ZNF652: variants seen among roughly 807,000 people sequenced by gnomAD.
The protein encoded by ZNF652 is zinc finger protein 652.
In ZNF652, 16 loss-of-function variants were observed where a neutral mutation model predicts 45.2. The observed-to-expected ratio is 0.35, with a 90% CI of 0.24 to 0.54. The LOEUF (loss-of-function observed/expected upper bound fraction) is 0.54. Among genes scored for constraint, ZNF652 ranks in the 20% least tolerant of loss-of-function variants. ZNF652 has a pLI of 0.91. For missense variants in ZNF652, 614 were observed against 765.6 expected (o/e 0.80, Z 2.34); for synonymous variants, 250 against 260.6 (o/e 0.96, Z 0.39).
Position 49,350,997 on chromosome 17 carries a change from A to G in ZNF652, c.-259+10912T>C, listed in dbSNP as rs1235233210. Among the ~76,000 whole-genome samples, 24 of 21,220 alleles carry G rather than the reference A, an allele frequency of 1.1e-3. 2 individuals carry two copies. The highest frequency in any genetic ancestry group is 1.5e-3 in the Non-Finnish European group (15 of 10,336). The allele number at this position is 21,220 out of a possible 152,430, so 13.9% of individuals were successfully genotyped here. A position where few individuals can be genotyped will look rare whatever the true frequency, so the allele number is the denominator to read the frequency against. ...TATATATATATATATATATATATATATATATATATATATATATACACACAC... is the reference window on the plus strand; with the variant it reads ...TATATATATATATATATATATATATGTATATATATATATATATACACACAC... On this transcript the variant is annotated intron_variant, in intron 1 of 5. Transcript: ENST00000430262.
At chr17:49,312,158 GCTT>G in intron 3 of ZNF652, 116 bp from the exon 4 acceptor site, 13 of 309,676 alleles carry the variant, frequency 4.2e-5, no homozygotes, top group South Asian at 2.8e-4. Flanking sequence ...GATTTGTGAG[GCTT>G]TTTTTTTTTT....
At chr17:49,304,906 A>G (rs2906095) in intron 5 of ZNF652, among the ~76,000 whole-genome samples, 79,855 of 151,234 alleles carry the variant, frequency 0.53, 21,386 homozygotes, top group South Asian at 0.73. Context: ...ACACACACAC[A>G]TACATATATA....
chr17:49,300,947 C>T (rs2069544377), intron 5 of ZNF652, among the ~76,000 whole-genome samples: 1 of 152,140 alleles, frequency 6.6e-6, no homozygotes, highest in South Asian at 2.1e-4. Context: ...AAATCTGCAG[C>T]CTGGTTCTAG....
chr17:49,292,598 A>C lies in ZNF652; in HGVS notation c.*5815T>G, dbSNP rs1318020702. On this transcript the variant is annotated 3_prime_UTR_variant, in exon 6 of 6. Transcript: ENST00000430262. ...CATGGGAACAGGGCAGAGCAACAGC[A>C]GCACTCAGGATCCTTTCATCAGAAA... 6.6e-6 allele frequency among the ~76,000 whole-genome samples: 1 copy of C among 152,178 alleles called. No individual in the cohort carries two copies. The highest frequency in any genetic ancestry group is 6.6e-5 in the Admixed American group (1 of 15,262).
chr17:49,332,049 C>T (rs2070031050), intron 1 of ZNF652, among the ~76,000 whole-genome samples: 1 of 152,016 alleles, frequency 6.6e-6, no homozygotes, highest in South Asian at 2.1e-4. Context: ...TTTGGGAGGC[C>T]AACACCTGAA....
chr17:49,355,361 A>G (rs2070324696), intron 1 of ZNF652, among the ~76,000 whole-genome samples: 1 of 140,912 alleles, frequency 7.1e-6, no homozygotes, highest in African/African-American at 2.6e-5. Flanking sequence ...GAGAGGAGAG[A>G]ATCACTTGAG....
intron 5 of ZNF652, among the ~76,000 whole-genome samples, chr17:49,307,752 AAAAC>A (rs1438670555): frequency 1.3e-5 from 2 of 152,194 alleles, no homozygotes; most frequent in Non-Finnish European, 2.9e-5. Context: ...ACTCCATCTC[AAAAC>A]AAACAAACGA....
At chr17:49,304,878 GTATATA>G (rs10601579) in intron 5 of ZNF652, among the ~76,000 whole-genome samples, 5 of 149,222 alleles carry the variant, frequency 3.4e-5, no homozygotes, top group East Asian at 2.0e-4. Flanking sequence ...ATATATATGT[GTATATA>G]TATATATATA....
In ZNF652 at chr17:49,298,693, G is replaced by A. The variant is rs772998781; in HGVS notation, c.1541C>T (p.Thr514Ile). The change falls in exon 6 of 6, where the codon ACC becomes ATC. Residue 514 changes from threonine (T) to isoleucine (I), a missense_variant. Physicochemically the swap from Thr to Ile is moderately conservative, Grantham distance 89. Around this residue, in one of 5 missense-constraint regions of ZNF652, gnomAD observed 132 missense variants for 137.2 expected, o/e 0.96. Transcript: ENST00000430262. ...VQIPLTTSPA[T>I]PVPSVVNTAT... ...TGTGTTCACCACAGAAGGAACTGGG[G>A]TGGCTGGGGAAGTTGTAAGTGGGAT... 1.9e-6 allele frequency: 3 copies of A among 1,614,012 alleles called. No individual in the cohort carries two copies. The highest frequency in any genetic ancestry group is 2.5e-6 in the Non-Finnish European group (3 of 1,180,026).
At chr17:49,350,447 G>A (rs2070258434) in intron 1 of ZNF652, among the ~76,000 whole-genome samples, 1 of 151,672 alleles carries the variant, frequency 6.6e-6, no homozygotes, top group African/African-American at 2.4e-5. Flanking sequence ...GCTGAGGCAG[G>A]AGAATCGCTT....
chr17:49,344,689 G>A (rs2070186361), intron 1 of ZNF652, among the ~76,000 whole-genome samples: 1 of 151,748 alleles, frequency 6.6e-6, no homozygotes, highest in Non-Finnish European at 1.5e-5. Context: ...CCTGGCTGAT[G>A]TTTTGTATTT....
chr17:49,291,852 T>C lies in ZNF652; in HGVS notation c.*6561A>G, dbSNP rs1169412039. On this transcript the variant is annotated 3_prime_UTR_variant, in exon 6 of 6. Coordinates refer to ENST00000430262, the MANE Select transcript of ZNF652 (RefSeq NM_001145365.3). ...AAACCCGTTACTGATTTCTGTAACA[T>C]AAAAATCTACCTTTTTCATTTTGTA... 3.9e-5 allele frequency among the ~76,000 whole-genome samples: 6 copies of C among 152,212 alleles called. No individual in the cohort carries two copies. The South Asian group carries it at 6.2e-4, about 16-fold the overall frequency.
At chr17:49,307,459 A>G (rs2069646714) in intron 5 of ZNF652, among the ~76,000 whole-genome samples, 2 of 140,758 alleles carry the variant, frequency 1.4e-5, no homozygotes, top group Admixed American at 7.1e-5. Flanking sequence ...AAAAAAAAAA[A>G]GGCCAGGCAC....
At chr17:49,333,119 G>A (rs368616976) in intron 1 of ZNF652, among the ~76,000 whole-genome samples, 91 of 151,352 alleles carry the variant, frequency 6.0e-4, no homozygotes, top group Middle Eastern at 3.4e-3. Context: ...GTGCAGTGGC[G>A]CGATCTCAGC....
intron 1 of ZNF652, among the ~76,000 whole-genome samples, chr17:49,351,849 C>T (rs552690455): frequency 1.1e-4 from 16 of 152,108 alleles, no homozygotes; most frequent in Admixed American, 1.0e-3. Flanking sequence ...TAGCCAGGTG[C>T]CATGGCACAT....
intron 1 of ZNF652, among the ~76,000 whole-genome samples, chr17:49,350,996 TATATATATATATATATATAC>T (rs1260995563): frequency 4.1e-4 from 9 of 22,028 alleles, no homozygotes; most frequent in African/African-American, 1.4e-3. Context: ...TATATATATA[TATATATATATATATATATAC>T]ACACACACAC....
intron 5 of ZNF652, among the ~76,000 whole-genome samples, chr17:49,301,084 A>G (rs1407757822): frequency 6.6e-6 from 1 of 152,194 alleles, no homozygotes; most frequent in East Asian, 1.9e-4. Context: ...CCCACCCTCC[A>G]GGACCCCTTC....
At chr17:49,311,516 C>T (rs1223147607) in intron 4 of ZNF652, 60 bp from the exon 5 acceptor site, 8 of 1,552,854 alleles carry the variant, frequency 5.2e-6, no homozygotes, top group South Asian at 1.2e-5. Flanking sequence ...CCTGAGCCCA[C>T]CCTAACACAG....
At chr17:49,357,298 CAA>C (rs34846468) in intron 1 of ZNF652, among the ~76,000 whole-genome samples, 213 of 140,160 alleles carry the variant, frequency 1.5e-3, no homozygotes, top group African/African-American at 3.6e-3. Flanking sequence ...GACTCTGTCT[CAA>C]AAAAAAAAAA....
Sources: gnomAD v4.1 joint callset for allele counts (sites outside exome capture counted in the v4.1 genomes callset) on GRCh38, gnomAD v4.1.1 for gene constraint, gnomAD v4.1.1 regional missense constraint, MANE v1.5 for transcripts, NCBI Gene and HGNC (gene_info 2026-07-23, HGNC 2026-07-21) for gene names.